RTL4: variants seen among roughly 807,000 people sequenced by gnomAD.
RTL4 encodes the protein retrotransposon Gag like 4, also known as retrotransposon Gag-like protein 4.
A neutral mutation model predicts 5.3 loss-of-function variants in RTL4; 4 were observed. That is an observed-to-expected ratio of 0.75 (90% CI 0.37 to 1.72). The LOEUF (loss-of-function observed/expected upper bound fraction) is 1.72. Among genes scored for constraint, RTL4 ranks in the 40% most tolerant of loss-of-function variants. The pLI is 0.04. For synonymous variants in RTL4, 98 were observed against 87.3 expected, an observed-to-expected ratio of 1.12 and a Z score of -0.68; for missense variants, 260 against 227.1, an observed-to-expected ratio of 1.14 and a Z score of -0.93.
chrX:112,433,273 T>C, the RTL4 span, among the ~76,000 whole-genome samples: 2 of 106,653 alleles, frequency 1.9e-5, no homozygotes, highest in South Asian at 8.6e-4. Flanking sequence ...GTGAAGAAAG[T>C]CATTGGTAGC....
chrX:112,155,409 G>T, the RTL4 span, among the ~76,000 whole-genome samples: 49 of 111,418 alleles, frequency 4.4e-4, no homozygotes, highest in Admixed American at 4.7e-3. Context: ...AAGGCTATTT[G>T]CACTGAGCGA....
chrX:112,306,478 CG>C, the RTL4 span, among the ~76,000 whole-genome samples: 2 of 111,510 alleles, frequency 1.8e-5, no homozygotes, highest in South Asian at 7.5e-4. Context: ...AGTGAGAAAA[CG>C]AAGCCTTGGA....
At chrX:112,321,307 G>A in the RTL4 span, among the ~76,000 whole-genome samples, 1 of 111,576 alleles carries the variant, frequency 9.0e-6, no homozygotes, top group Admixed American at 9.5e-5. Context: ...GGAGGCCAAG[G>A]TGGGCGGATC....
the RTL4 span, among the ~76,000 whole-genome samples, chrX:112,391,992 G>T: frequency 5.4e-5 from 6 of 111,772 alleles, no homozygotes; most frequent in African/African-American, 1.6e-4. Flanking sequence ...CAAGCCAGGA[G>T]TTCCCTGTCT....
the RTL4 span, among the ~76,000 whole-genome samples, chrX:112,430,990 G>T: frequency 8.9e-6 from 1 of 112,178 alleles, no homozygotes; most frequent in East Asian, 2.8e-4. Context: ...TAGCAGTAAG[G>T]TGGAGGGGAA....
At chrX:112,444,597 T>C in the RTL4 span, among the ~76,000 whole-genome samples, 21 of 112,002 alleles carry the variant, frequency 1.9e-4, no homozygotes, top group African/African-American at 6.8e-4. Flanking sequence ...GTACACTTAA[T>C]ATTACTTCTT....
the RTL4 span, among the ~76,000 whole-genome samples, chrX:112,118,152 CAACA>C: frequency 8.9e-6 from 1 of 112,092 alleles, no homozygotes; most frequent in African/African-American, 3.2e-5. Flanking sequence ...CAGTTTAAAA[CAACA>C]AACATTTATT....
chrX:112,435,820 A>G, the RTL4 span, among the ~76,000 whole-genome samples: 2 of 112,430 alleles, frequency 1.8e-5, no homozygotes, highest in Non-Finnish European at 3.8e-5. Flanking sequence ...AGGTTATTAA[A>G]TCCATACATG....
chrX:112,240,973 C>T, the RTL4 span, among the ~76,000 whole-genome samples: 1 of 111,277 alleles, frequency 9.0e-6, no homozygotes, highest in South Asian at 3.8e-4. Context: ...CCAGCTTCAT[C>T]CATGTCCCTA....
At chrX:112,090,472 A>C in the RTL4 span, among the ~76,000 whole-genome samples, 2 of 111,074 alleles carry the variant, frequency 1.8e-5, no homozygotes, top group Non-Finnish European at 3.8e-5. Context: ...GAGTTTTGTC[A>C]GATCTTTTTT....
the RTL4 span, among the ~76,000 whole-genome samples, chrX:112,283,522 G>T: frequency 9.0e-6 from 1 of 111,062 alleles, no homozygotes. Flanking sequence ...ACCCCGCAGG[G>T]TTATGGTATC....
the RTL4 span, among the ~76,000 whole-genome samples, chrX:112,290,047 T>A: frequency 1.8e-5 from 2 of 111,205 alleles, no homozygotes; most frequent in Non-Finnish European, 3.8e-5. Flanking sequence ...GCAGACAACA[T>A]GAAGTAGCCA....
the RTL4 span, among the ~76,000 whole-genome samples, chrX:112,085,587 G>C: frequency 2.7e-5 from 3 of 111,630 alleles, no homozygotes; most frequent in Non-Finnish European, 5.6e-5. Context: ...GTGCATTGTA[G>C]AATGTTTAGC....
the RTL4 span, among the ~76,000 whole-genome samples, chrX:112,402,428 G>C: frequency 2.1e-4 from 23 of 108,979 alleles, no homozygotes; most frequent in Non-Finnish European, 3.8e-4. Context: ...GTGTGTGTGT[G>C]TGTGTGTGTG....
At chrX:112,378,929 G>A in the RTL4 span, among the ~76,000 whole-genome samples, 5 of 112,377 alleles carry the variant, frequency 4.4e-5, no homozygotes, top group Admixed American at 9.4e-5. Flanking sequence ...TGCCTTCTGC[G>A]TTGGAAGCAC....
the RTL4 span, among the ~76,000 whole-genome samples, chrX:112,431,660 G>T: frequency 1.1e-3 from 119 of 111,615 alleles, 1 homozygote; most frequent in Non-Finnish European, 2.0e-3. Flanking sequence ...ACACATTTAA[G>T]AAGAGTTGTT....
the RTL4 span, among the ~76,000 whole-genome samples, chrX:112,298,929 C>G: frequency 8.9e-6 from 1 of 112,812 alleles, no homozygotes; most frequent in Non-Finnish European, 1.9e-5. Context: ...GCCCAGGGCT[C>G]TCTTCTAAGT....
At chrX:112,277,942 G>T in the RTL4 span, among the ~76,000 whole-genome samples, 3 of 111,849 alleles carry the variant, frequency 2.7e-5, no homozygotes, top group Non-Finnish European at 5.6e-5. Flanking sequence ...CTAAAAATTT[G>T]CAGCACATTT....
chrX:112,271,245 G>A, the RTL4 span, among the ~76,000 whole-genome samples: 922 of 112,900 alleles, frequency 8.2e-3, 7 homozygotes, highest in Non-Finnish European at 0.013. Flanking sequence ...GACAGAGTGT[G>A]AGATTAGCAA....
Sources: allele counts gnomAD v4.1 joint callset (sites outside exome capture counted in the v4.1 genomes callset), GRCh38; gene constraint gnomAD v4.1.1; transcripts MANE v1.5; gene names NCBI Gene and HGNC (gene_info 2026-07-23, HGNC 2026-07-21).